Variants in NAIP observed in about 807,000 individuals in gnomAD.
NAIP encodes the protein NLR family apoptosis inhibitory protein, also known as baculoviral IAP repeat-containing protein 1.
In NAIP, 15 loss-of-function variants were observed where a neutral mutation model predicts 23.0. The ratio of observed to expected loss-of-function variants is 0.65; its 90% confidence interval spans 0.44 to 1.00. The LOEUF (loss-of-function observed/expected upper bound fraction) is 1.00, where lower values mean the gene tolerates loss of function less well. Ranked by LOEUF, NAIP falls within the 50% of genes least tolerant of loss-of-function variation. NAIP has a pLI of 0.00. For missense variants in NAIP, 265 were observed against 278.8 expected, an observed-to-expected ratio of 0.95 and a Z score of 0.35; for synonymous variants, 100 against 100.2, an observed-to-expected ratio of 1.00 and a Z score of 0.01.
At chr5:71,016,230 G>A (rs955668937) in intron 3 of NAIP, among the ~76,000 whole-genome samples, 3 of 148,872 alleles carry the variant, frequency 2.0e-5, no homozygotes, top group African/African-American at 7.4e-5. Flanking sequence ...GGAATATGAA[G>A]CTGCGGGGAG....
intron 5 of NAIP, among the ~76,000 whole-genome samples, chr5:71,008,063 C>CTTTT (rs4065245): frequency 1.5e-4 from 10 of 67,268 alleles, no homozygotes; most frequent in South Asian, 5.0e-4. Flanking sequence ...TGTGCCCAGC[C>CTTTT]TTTTTTTTTT....
intron 3 of NAIP, among the ~76,000 whole-genome samples, chr5:71,017,866 T>A (rs169607): frequency 2.7e-3 from 331 of 122,098 alleles, no homozygotes; most frequent in African/African-American, 9.1e-3. Context: ...TTTTTTTTTT[T>A]ATAGGAGACA....
chr5:71,013,362 G>A (rs1408201671), intron 3 of NAIP, among the ~76,000 whole-genome samples: 1 of 150,824 alleles, frequency 6.6e-6, no homozygotes, highest in Non-Finnish European at 1.5e-5. Flanking sequence ...GCTCTGGCCG[G>A]GCGCGGTGGC....
At chr5:71,016,257 A>G (rs2856280) in intron 3 of NAIP, among the ~76,000 whole-genome samples, 971 of 144,734 alleles carry the variant, frequency 6.7e-3, no homozygotes, top group African/African-American at 0.012. Context: ...TTGCAGTACT[A>G]TACTCCAGCC....
intron 13 of NAIP, among the ~76,000 whole-genome samples, chr5:70,978,147 ATATTTT>A (rs1196980531): frequency 2.9e-4 from 11 of 37,550 alleles, no homozygotes; most frequent in South Asian, 2.3e-3. Context: ...ATATATATAT[ATATTTT>A]TTTTTTTTTT....
chr5:71,002,199 T>TG, intron 6 of NAIP, 56 bp from the exon 7 acceptor site: 1 of 294,250 alleles, frequency 3.4e-6, no homozygotes, highest in African/African-American at 1.0e-4. Flanking sequence ...TTTTTTTTTT[T>TG]TTTTTTTTGA....
intron 3 of NAIP, among the ~76,000 whole-genome samples, chr5:71,014,118 T>TC (rs1170769814): frequency 6.7e-6 from 1 of 149,514 alleles, no homozygotes; most frequent in African/African-American, 2.5e-5. Context: ...TTTTTTTTTT[T>TC]AGACAGTCTC....
intron 5 of NAIP, among the ~76,000 whole-genome samples, chr5:71,010,741 A>T (rs1266155023): frequency 6.6e-6 from 1 of 151,372 alleles, no homozygotes; most frequent in Non-Finnish European, 1.5e-5. Context: ...TACTGGGCAA[A>T]ACCTATCTTA....
chr5:70,977,688 AAAAG>A (rs1750326129), intron 13 of NAIP, among the ~76,000 whole-genome samples: 1 of 149,760 alleles, frequency 6.7e-6, no homozygotes, highest in African/African-American at 2.4e-5. Context: ...AAAAAAAAAA[AAAAG>A]AATACTATAC....
intron 3 of NAIP, among the ~76,000 whole-genome samples, chr5:71,013,735 T>A (rs531744246): frequency 6.6e-6 from 1 of 151,186 alleles, no homozygotes; most frequent in East Asian, 1.9e-4. Flanking sequence ...CTTTCTAGTG[T>A]CAAATCCCCA....
In NAIP at chr5:71,012,430, T is replaced by C; in HGVS notation, c.486A>G (p.Arg162=). 6.2e-7 allele frequency: 1 copy of C among 1,611,478 alleles called. No homozygotes were observed. The highest frequency in any genetic ancestry group is 1.3e-5 in the African/African-American group (1 of 74,814). The change falls in exon 4 of 17, where the codon AGA becomes AGG. Residue 162 remains arginine, a synonymous_variant. Transcript: ENST00000517649. The part of the protein sequence containing the change: ...GKMRYQEEEA[R]LASFRNWPFY... ...ATGGCCAGTTCCTGAAGGACGCAAGTCTAGCCTCCTCTTCTTGGTACCTCA... is the reference window on the plus strand; with the variant it reads ...ATGGCCAGTTCCTGAAGGACGCAAGCCTAGCCTCCTCTTCTTGGTACCTCA...
Position 71,012,638 on chromosome 5 carries a change from GA to G in NAIP, c.277del (p.Ser93LeufsTer10). The stretch of plus-strand genomic sequence containing the variant: ...GCTACAGCAGAAGCACTGAATCCCA[GA>G]TTTTACCCCAGTGAAGTAAAACCCA... ...AAGFYFTGVKSGIQCFCCSLI... is the reference protein window; with the variant it reads ...AAGFYFTGVKXGIQCFCCSLI... On this transcript the variant is annotated frameshift_variant, in exon 4 of 17. Transcript: ENST00000517649. LOFTEE classifies it high-confidence loss of function. 6.2e-7 allele frequency: 1 copy of G among 1,611,942 alleles called. No homozygotes were observed. The highest frequency in any genetic ancestry group is 8.5e-7 in the Non-Finnish European group (1 of 1,178,506).
intron 3 of NAIP, among the ~76,000 whole-genome samples, chr5:71,014,412 A>G (rs1751336648): frequency 6.6e-6 from 1 of 151,252 alleles, no homozygotes. Context: ...CAGCTCCCAC[A>G]CCGGGATTAC....
chr5:71,009,584 G>A (rs1447602387), intron 5 of NAIP, among the ~76,000 whole-genome samples: 17 of 151,292 alleles, frequency 1.1e-4, no homozygotes, highest in South Asian at 2.1e-4. Context: ...TCAGTTACTC[G>A]GAGGCTGAGG....
chr5:71,012,561 T>A lies in NAIP; in HGVS notation c.355A>T (p.Arg119Trp). The change falls in exon 4 of 17, where the codon AGG (arginine) becomes TGG (tryptophan). Residue 119 changes from arginine (R) to tryptophan (W), a missense_variant. Transcript: ENST00000517649. ...LTRLPIEDHKRFHPDCGFLLN... is the reference protein window; with the variant it reads ...LTRLPIEDHKWFHPDCGFLLN... ...AGGAACCCACAATCTGGATGAAACC[T>A]CTTGTGGTCTTCTATGGGGAGTCTC... 1.2e-6 allele frequency: 2 copies of A among 1,611,790 alleles called. No homozygotes were observed. The highest frequency in any genetic ancestry group is 2.2e-5 in the South Asian group (2 of 90,966).
chr5:71,011,257 C>A lies in NAIP; in HGVS notation c.668+18G>T. On this transcript the variant is annotated intron_variant, in intron 5 of 16. Transcript: ENST00000517649. ...AAAAAAAAAGAAAGAAACATTTAAG[C>A]AAAAATTATCTACTTACTTGGGGAA... The A allele has an allele frequency of 6.4e-7, 1 of 1,552,566 alleles. No individual in the cohort carries two copies. Among genetic ancestry groups the A allele is most frequent in the Non-Finnish European group, 8.7e-7 (1 of 1,143,028 alleles).
intron 5 of NAIP, among the ~76,000 whole-genome samples, chr5:71,009,112 A>G (rs2112914054): frequency 6.6e-6 from 1 of 150,562 alleles, no homozygotes; most frequent in East Asian, 2.0e-4. Context: ...AGGTGGGAGG[A>G]TCACTTGAGC....
chr5:70,971,661 T>G, intron 16 of NAIP: 1 of 149,654 alleles, frequency 6.7e-6, no homozygotes, highest in Non-Finnish European at 1.5e-5. Flanking sequence ...CTTCCCCTTT[T>G]ATAGAGAAGG....
At chr5:71,012,313 C>T (rs1751196172) in intron 4 of NAIP, 35 bp downstream of exon 4, 1 of 1,529,094 alleles carries the variant, frequency 6.5e-7, no homozygotes, top group African/African-American at 1.4e-5. Flanking sequence ...ACTTAAAACG[C>T]CAGAGAAACA....
Sources: gnomAD v4.1 joint callset for allele counts (sites outside exome capture counted in the v4.1 genomes callset) on GRCh38, gnomAD v4.1.1 for gene constraint, MANE v1.5 for transcripts, NCBI Gene and HGNC (gene_info 2026-07-23, HGNC 2026-07-21) for gene names.